CNNM3: variants seen among roughly 807,000 people sequenced by gnomAD.
The protein encoded by CNNM3 is metal transporter CNNM3.
CNNM3 carries 47 observed loss-of-function variants against 57.1 expected under a neutral mutation model. The ratio of observed to expected loss-of-function variants is 0.82; its 90% CI spans 0.65 to 1.05. The LOEUF is 1.05. Ranked by LOEUF, CNNM3 falls within the 50% of genes least tolerant of loss-of-function variation. The pLI is 0.00. For missense variants in CNNM3, 957 were observed against 973.7 expected (o/e 0.98, Z 0.23); for synonymous variants, 507 against 478.2 (o/e 1.06, Z -0.79).
intron 1 of CNNM3, among the ~76,000 whole-genome samples, chr2:96,822,618 T>C (rs75647588): frequency 6.6e-6 from 1 of 152,194 alleles, no homozygotes; most frequent in East Asian, 1.9e-4. Context: ...CCGCAGTCTC[T>C]GCTTTAAAGG....
intron 1 of CNNM3, among the ~76,000 whole-genome samples, chr2:96,821,264 C>T (rs2079402367): frequency 6.6e-6 from 1 of 152,040 alleles, no homozygotes; most frequent in Non-Finnish European, 1.5e-5. Flanking sequence ...TGTTAAAGTC[C>T]TTTTTGTCCT....
At chr2:96,826,721 A>G (rs534067867) in intron 2 of CNNM3, 112 bp from the exon 3 acceptor site, 12 of 1,321,454 alleles carry the variant, frequency 9.1e-6, no homozygotes, top group South Asian at 2.6e-5. Flanking sequence ...ATGCTGCTCC[A>G]TCGAGGACCC....
At position 96,817,226 on chromosome 2, in the gene CNNM3, G is replaced by A; in HGVS notation, c.949G>A (p.Val317Met). Residue 317 changes from valine (V) to methionine (M), a missense_variant, in exon 1 of 8, where the codon GTG (valine) becomes ATG (methionine). Physicochemically the swap from Val to Met is conservative, Grantham distance 21. Transcript: ENST00000305510. ...GVLRCRTVED[V>M]LTPLEDCFML... ...GCTGCGCTGCCGGACCGTGGAGGAC[G>A]TGCTCACGCCCCTCGAAGACTGCTT... 1 of 1,602,764 alleles carries A rather than the reference G, an allele frequency of 6.2e-7. No homozygotes were observed. The highest frequency in any genetic ancestry group is 8.5e-7 in the Non-Finnish European group (1 of 1,176,380).
rs570496758 is a variant in CNNM3, at chr2:96,833,209, G to A, written c.*593G>A. 7.8e-4 allele frequency: 294 copies of A among 377,186 alleles called. 3 individuals carry two copies. The highest frequency in any genetic ancestry group is 5.9e-3 in the South Asian group (293 of 49,746). The allele number at this position is 377,186 out of a possible 1,614,324, so 23.4% of individuals were successfully genotyped here. A position where few individuals can be genotyped will look rare whatever the true frequency, so the allele number is the denominator to read the frequency against. ...TGCCAAACCAGAAGCTCCACTGCCC[G>A]TAGGCTGTCCCTGTAGCCCTGCTCC... is the stretch of plus-strand genomic sequence containing the variant. On this transcript the variant is annotated 3_prime_UTR_variant, in exon 8 of 8. Coordinates refer to ENST00000305510, the MANE Select transcript of CNNM3 (RefSeq NM_017623.5).
intron 7 of CNNM3, among the ~76,000 whole-genome samples, chr2:96,831,013 G>A (rs562121290): frequency 1.7e-4 from 26 of 152,196 alleles, no homozygotes; most frequent in Non-Finnish European, 3.1e-4. Context: ...CAGACTGCAC[G>A]TGTTGTAGTG....
At chr2:96,832,177 G>A in intron 7 of CNNM3, 2 of 1,028,688 alleles carry the variant, frequency 1.9e-6, no homozygotes, top group Non-Finnish European at 2.3e-6. Flanking sequence ...TTCTCCAGGG[G>A]TGTGGGGTGG....
chr2:96,824,455 ATCTG>A (rs142200401), intron 1 of CNNM3: 4,209 of 154,970 alleles, frequency 0.027, 190 homozygotes, highest in African/African-American at 0.097. Context: ...CACACAGTCT[ATCTG>A]TCTGTCTGTC....
At chr2:96,828,333 C>G in intron 5 of CNNM3, 138 bp downstream of exon 5, 1 of 869,996 alleles carries the variant, frequency 1.1e-6, no homozygotes, top group Middle Eastern at 3.2e-4. Context: ...GGTGTAGCCC[C>G]TGGGCTTCCA....
chr2:96,834,616 T>C lies in CNNM3; in HGVS notation c.*2000T>C, dbSNP rs748782305. 8.6e-5 allele frequency among the ~76,000 whole-genome samples: 13 copies of C among 150,480 alleles called. No homozygotes were observed. The highest frequency in any genetic ancestry group is 1.5e-4 in the Non-Finnish European group (10 of 67,976). On this transcript the variant is annotated 3_prime_UTR_variant, in exon 8 of 8. Coordinates refer to ENST00000305510, the MANE Select transcript of CNNM3 (RefSeq NM_017623.5). The stretch of plus-strand genomic sequence containing the variant: ...CTCCTGCCTCGGCCTCCCAAAGTGT[T>C]GAGATTATAGGCGTGAGCCACCGTG...
At position 96,816,509 on chromosome 2, in the gene CNNM3, T is replaced by C; in HGVS notation, c.232T>C (p.Trp78Arg). ...GPGFANSSWS[W>R]VAPEGAGCRE... ...GGGCTTCGCCAACAGCTCTTGGTCC[T>C]GGGTGGCCCCGGAGGGGGCGGGCTG... is the stretch of plus-strand genomic sequence containing the variant. Residue 78 changes from tryptophan (W) to arginine (R), a missense_variant, in exon 1 of 8, where the codon TGG becomes CGG. Coordinates refer to ENST00000305510, the MANE Select transcript of CNNM3 (RefSeq NM_017623.5). 7.1e-7 allele frequency: 1 copy of C among 1,416,470 alleles called. No homozygotes were observed. The allele number at this position is 1,416,470 out of a possible 1,614,324, so 87.7% of individuals were successfully genotyped here. A position where few individuals can be genotyped will look rare whatever the true frequency, so the allele number is the denominator to read the frequency against.
downstream of CNNM3, among the ~76,000 whole-genome samples, chr2:96,836,125 C>G (rs1398369398): frequency 1.4e-5 from 2 of 147,386 alleles, no homozygotes; most frequent in African/African-American, 5.2e-5. Context: ...ACTTTGTCAC[C>G]CATGGTGGAG....
chr2:96,832,130 G>T, intron 7 of CNNM3: 1 of 1,004,554 alleles, frequency 1.0e-6, no homozygotes, highest in Non-Finnish European at 1.2e-6. Flanking sequence ...GCTGAGGGAG[G>T]AGCAGAGCCC....
rs200183758 is a variant in CNNM3, at chr2:96,822,006, T to TTA, written c.1226-3051_1226-3050insAT. On this transcript the variant is annotated intron_variant, in intron 1 of 7. Transcript: ENST00000305510. ...AAGAACATTATTATTATTATTATTATTTTTTTTTTTTTTTTGAGATGGAGT... is the reference window on the plus strand; with the variant it reads ...AAGAACATTATTATTATTATTATTATTATTTTTTTTTTTTTTTGAGATGGAGT... Among the ~76,000 whole-genome samples the TTA allele has an allele frequency of 3.9e-4, 55 of 141,736 alleles. 1 individual carries two copies. The highest frequency in any genetic ancestry group is 9.8e-4 in the African/African-American group (38 of 38,948). 93.0% of individuals were successfully genotyped at this position (141,736 alleles called of 152,430 possible). A position where few individuals can be genotyped will look rare whatever the true frequency, so the allele number is the denominator to read the frequency against.
intron 7 of CNNM3, among the ~76,000 whole-genome samples, chr2:96,831,512 A>AT (rs1302564112): frequency 1.3e-5 from 2 of 152,214 alleles, no homozygotes; most frequent in Non-Finnish European, 2.9e-5. Context: ...CTAGCAGCCT[A>AT]TTTTTGAGAA....
chr2:96,828,808 G>A (rs550854662), intron 6 of CNNM3, 108 bp downstream of exon 6: 3 of 1,509,370 alleles, frequency 2.0e-6, no homozygotes, highest in South Asian at 2.4e-5. Context: ...CACTCATCCT[G>A]AGGGACACAG....
rs2079642846 is a variant in CNNM3 at position 96,833,637 on chromosome 2, C to T, written c.*1021C>T. ...CTATGGGGTTTTAGAGAAGTGGGAACAGGAAGGCATTTGTCTTTTTCTTCT... is the reference window on the plus strand; with the variant it reads ...CTATGGGGTTTTAGAGAAGTGGGAATAGGAAGGCATTTGTCTTTTTCTTCT... On this transcript the variant is annotated 3_prime_UTR_variant, in exon 8 of 8. Transcript: ENST00000305510. 6.6e-6 allele frequency: 1 copy of T among 152,146 alleles called. No individual in the cohort carries two copies. Among genetic ancestry groups the T allele is most frequent in the South Asian group, 2.1e-4 (1 of 4,824 alleles). 9.4% of individuals were successfully genotyped at this position (152,146 alleles called of 1,614,324 possible). A position where few individuals can be genotyped will look rare whatever the true frequency, so the allele number is the denominator to read the frequency against.
intron 1 of CNNM3, 94 bp from the exon 2 acceptor site, chr2:96,824,964 T>A: frequency 7.0e-7 from 1 of 1,438,050 alleles, no homozygotes; most frequent in Non-Finnish European, 9.6e-7. Context: ...AGCATGAACG[T>A]TAGCCGTGTC....
chr2:96,827,710 C>T (rs2079532670), intron 3 of CNNM3, 21 bp from the exon 4 acceptor site: 1 of 1,605,308 alleles, frequency 6.2e-7, no homozygotes, highest in Non-Finnish European at 8.5e-7. Flanking sequence ...GGACACTGTC[C>T]CTTTTTTCCA....
chr2:96,825,953 G>A (rs990307112), intron 2 of CNNM3, among the ~76,000 whole-genome samples: 2 of 152,302 alleles, frequency 1.3e-5, no homozygotes, highest in East Asian at 3.9e-4. Context: ...AAAAGTGTCC[G>A]CCTGTTAGCA....
Sources: allele counts gnomAD v4.1 joint callset (sites outside exome capture counted in the v4.1 genomes callset), GRCh38; gene constraint gnomAD v4.1.1; transcripts MANE v1.5; gene names NCBI Gene and HGNC (gene_info 2026-07-23, HGNC 2026-07-21).